Variants in PSD3 observed in about 807,000 individuals in gnomAD.
PSD3 encodes PH and SEC7 domain-containing protein 3.
A neutral mutation model predicts 105.5 loss-of-function variants in PSD3; 49 were observed. The ratio of observed to expected loss-of-function variants is 0.46; its 90% CI spans 0.37 to 0.59. PSD3 has a LOEUF of 0.59. Among genes scored for constraint, PSD3 ranks in the 20% least tolerant of loss-of-function variants. The probability of loss-of-function intolerance (pLI) is 0.00; values close to 1 mark genes in which losing one functional copy is unlikely to be tolerated. For missense variants in PSD3, 1,561 were observed against 1,263.8 expected (o/e 1.24, Z -3.57); for synonymous variants, 557 against 457.8 (o/e 1.22, Z -2.77).
At chr8:18,696,793 G>C (rs1002644391) in intron 9 of PSD3, among the ~76,000 whole-genome samples, 11 of 152,100 alleles carry the variant, frequency 7.2e-5, no homozygotes, top group African/African-American at 2.4e-4. Context: ...TAGAGCTGGG[G>C]AAAAGTATAG....
chr8:18,575,098 C>A, intron 13 of PSD3, 30 bp downstream of exon 13: 1 of 1,602,390 alleles, frequency 6.2e-7, no homozygotes, highest in Non-Finnish European at 8.5e-7. Flanking sequence ...AACTAAAACA[C>A]AAAATCAAAT....
chr8:18,922,174 C>T (rs944504298), intron 2 of PSD3, among the ~76,000 whole-genome samples: 9 of 152,116 alleles, frequency 5.9e-5, no homozygotes, highest in African/African-American at 2.2e-4. Context: ...GTTCATACAC[C>T]TGACAATGAA....
chr8:18,619,625 A>G (rs1805959149), intron 11 of PSD3, among the ~76,000 whole-genome samples: 1 of 151,914 alleles, frequency 6.6e-6, no homozygotes, highest in Non-Finnish European at 1.5e-5. Context: ...CCTGGGCAAC[A>G]AGAGTGAAAC....
chr8:18,608,164 G>A (rs1419763705), intron 11 of PSD3, among the ~76,000 whole-genome samples: 1 of 152,140 alleles, frequency 6.6e-6, no homozygotes, highest in Admixed American at 6.5e-5. Context: ...AGGCTGCAGT[G>A]AGCCATGATC....
intron 8 of PSD3, among the ~76,000 whole-genome samples, chr8:18,798,131 C>T (rs1344994909): frequency 6.6e-6 from 1 of 152,136 alleles, no homozygotes; most frequent in Non-Finnish European, 1.5e-5. Context: ...TGTCAAGATT[C>T]ACACTGTGAA....
At chr8:18,641,294 C>A (rs1807624034) in intron 10 of PSD3, among the ~76,000 whole-genome samples, 1 of 152,088 alleles carries the variant, frequency 6.6e-6, no homozygotes, top group Non-Finnish European at 1.5e-5. Flanking sequence ...AACTGGTATC[C>A]CTGGGCATCA....
At chr8:18,844,312 G>T (rs1045454727) in intron 4 of PSD3, among the ~76,000 whole-genome samples, 1 of 152,048 alleles carries the variant, frequency 6.6e-6, no homozygotes, top group Non-Finnish European at 1.5e-5. Context: ...TTTACAAATT[G>T]ATCTTTTCCC....
intron 12 of PSD3, among the ~76,000 whole-genome samples, chr8:18,580,678 A>C (rs1197402875): frequency 6.6e-6 from 1 of 152,174 alleles, no homozygotes; most frequent in African/African-American, 2.4e-5. Context: ...CCAAGGACAC[A>C]GTTCCTGATC....
intron 1 of PSD3, among the ~76,000 whole-genome samples, chr8:18,963,863 TG>T (rs1206088755): frequency 4.6e-5 from 7 of 152,186 alleles, no homozygotes; most frequent in Admixed American, 4.6e-4. Context: ...ACAGATCAGA[TG>T]GGTCATTTAC....
intron 8 of PSD3, among the ~76,000 whole-genome samples, chr8:18,790,524 T>G (rs111637875): frequency 0.02 from 2,972 of 152,066 alleles, 105 homozygotes; most frequent in African/African-American, 0.066. Context: ...GGATGGTCTC[T>G]ATCTCCTGAC....
intron 9 of PSD3, among the ~76,000 whole-genome samples, chr8:18,679,127 G>T (rs1800238457): frequency 6.6e-6 from 1 of 152,130 alleles, no homozygotes; most frequent in Non-Finnish European, 1.5e-5. Context: ...TCCTTCCCAG[G>T]CTCTAGCCTT....
chr8:18,742,095 C>T (rs1804622575), intron 9 of PSD3, among the ~76,000 whole-genome samples: 1 of 152,052 alleles, frequency 6.6e-6, no homozygotes, highest in Admixed American at 6.5e-5. Flanking sequence ...TTTAAAAGGA[C>T]TATAATAGGG....
At chr8:19,065,376 C>T (rs1207550274) in intron 1 of PSD3, among the ~76,000 whole-genome samples, 1 of 152,232 alleles carries the variant, frequency 6.6e-6, no homozygotes, top group Middle Eastern at 3.4e-3. Context: ...CAATTAAATT[C>T]TGATACTATC....
At chr8:18,673,588 C>T (rs1035187157) in intron 9 of PSD3, among the ~76,000 whole-genome samples, 5 of 152,148 alleles carry the variant, frequency 3.3e-5, no homozygotes, top group African/African-American at 4.8e-5. Context: ...CCCAGGGTTT[C>T]CCTTTGCCAT....
At chr8:18,796,363 G>A (rs952951691) in intron 8 of PSD3, among the ~76,000 whole-genome samples, 7 of 152,080 alleles carry the variant, frequency 4.6e-5, no homozygotes, top group South Asian at 2.1e-4. Flanking sequence ...GGATTATTTG[G>A]CTTCCATGAA....
intron 9 of PSD3, among the ~76,000 whole-genome samples, chr8:18,716,515 T>A (rs1802610629): frequency 6.6e-6 from 1 of 152,134 alleles, no homozygotes; most frequent in African/African-American, 2.4e-5. Context: ...AGCAGCAAGA[T>A]GGCCAGGGTG....
upstream of PSD3, among the ~76,000 whole-genome samples, chr8:19,017,675 G>A (rs1023711019): frequency 1.3e-5 from 2 of 152,148 alleles, no homozygotes; most frequent in African/African-American, 4.8e-5. Context: ...TGGTCTTTGT[G>A]ACTGGCTTCT....
chr8:18,985,384 C>CATATT, intron 1 of PSD3, among the ~76,000 whole-genome samples: 1 of 152,054 alleles, frequency 6.6e-6, no homozygotes, highest in Admixed American at 6.6e-5. Flanking sequence ...TATCTGGGGC[C>CATATT]CTAAATTCCC....
chr8:18,547,131 C>G (rs1004151524), intron 15 of PSD3, among the ~76,000 whole-genome samples: 6 of 152,100 alleles, frequency 3.9e-5, no homozygotes, highest in Admixed American at 3.3e-4. Flanking sequence ...GGGCACCCAC[C>G]CATGTAAGCC....
Sources: gnomAD v4.1 joint callset for allele counts (sites outside exome capture counted in the v4.1 genomes callset) on GRCh38, gnomAD v4.1.1 for gene constraint, MANE v1.5 for transcripts, NCBI Gene and HGNC (gene_info 2026-07-23, HGNC 2026-07-21) for gene names.